The following RFC3 variants were observed in gnomAD, a reference collection of about 807,000 sequenced individuals.
The protein encoded by RFC3 is A1 38 kDa subunit.
In RFC3, 41 loss-of-function variants were observed where a neutral mutation model predicts 45.1. The observed-to-expected ratio is 0.91, with a 90% CI of 0.71 to 1.18. The LOEUF (loss-of-function observed/expected upper bound fraction) is 1.18, where lower values mean the gene tolerates loss of function less well. Among genes scored for constraint, RFC3 ranks in the 50% most tolerant of loss-of-function variants. The pLI, the probability that RFC3 is intolerant of heterozygous loss-of-function variation, is 0.00. For synonymous variants in RFC3, 149 were observed against 144.0 expected (o/e 1.03, Z -0.25); for missense variants, 423 against 428.1 (o/e 0.99, Z 0.10).
At chr13:33,925,097 CTATATACACGCATATATAGTGTACA>C (rs1566030523) in intron 8 of RFC3, among the ~76,000 whole-genome samples, 3 of 140,266 alleles carry the variant, frequency 2.1e-5, no homozygotes, top group African/African-American at 5.9e-5. Context: ...ATATAGTGTA[CTATATACACGCATATATAGTGTACA>C]TATATACATG....
chr13:33,875,570 G>A (rs1236130972), intron 8 of RFC3, among the ~76,000 whole-genome samples: 1 of 152,164 alleles, frequency 6.6e-6, no homozygotes, highest in Non-Finnish European at 1.5e-5. Context: ...GGACTTGAAG[G>A]CCACATAACA....
chr13:33,866,099 T>C (rs995236696), intron 8 of RFC3, among the ~76,000 whole-genome samples: 1 of 152,168 alleles, frequency 6.6e-6, no homozygotes, highest in Non-Finnish European at 1.5e-5. Context: ...TACCATAGAC[T>C]ATGTCTACCA....
At chr13:33,966,825 A>C (rs968013550), downstream of RFC3, among the ~76,000 whole-genome samples, 1 of 152,150 alleles carries the variant, frequency 6.6e-6, no homozygotes, top group Non-Finnish European at 1.5e-5. Flanking sequence ...ACCAACATGC[A>C]AGTAAATTAT....
chr13:33,889,172 G>A (rs2137627839), intron 8 of RFC3, among the ~76,000 whole-genome samples: 1 of 152,298 alleles, frequency 6.6e-6, no homozygotes, highest in East Asian at 1.9e-4. Flanking sequence ...AAGCTTCATT[G>A]ATCCAACACA....
downstream of RFC3, among the ~76,000 whole-genome samples, chr13:33,966,836 A>G (rs2083090260): frequency 6.6e-6 from 1 of 152,124 alleles, no homozygotes; most frequent in South Asian, 2.1e-4. Context: ...AGTAAATTAT[A>G]TTGTTTTCCA....
chr13:33,876,858 C>T (rs1283311276), intron 8 of RFC3, among the ~76,000 whole-genome samples: 1 of 152,218 alleles, frequency 6.6e-6, no homozygotes, highest in Non-Finnish European at 1.5e-5. Context: ...CTAATGTTCT[C>T]TCTGAGCTCC....
chr13:33,917,304 T>G (rs1003695926), intron 8 of RFC3, among the ~76,000 whole-genome samples: 2 of 152,116 alleles, frequency 1.3e-5, no homozygotes, highest in South Asian at 2.1e-4. Flanking sequence ...AGTAGACTTT[T>G]AAATAAGCCA....
chr13:33,893,030 C>T (rs751139349), intron 8 of RFC3, among the ~76,000 whole-genome samples: 1 of 152,148 alleles, frequency 6.6e-6, no homozygotes, highest in African/African-American at 2.4e-5. Context: ...TCATGGAAAG[C>T]ATTTCAAATG....
chr13:33,930,460 A>G (rs1251511704), intron 8 of RFC3, among the ~76,000 whole-genome samples: 1 of 152,128 alleles, frequency 6.6e-6, no homozygotes. Context: ...AGACTCAGCA[A>G]TTCTGCTCTC....
intron 8 of RFC3, among the ~76,000 whole-genome samples, chr13:33,929,990 T>G (rs2137766543): frequency 6.6e-6 from 1 of 152,242 alleles, no homozygotes; most frequent in South Asian, 2.1e-4. Context: ...AATTTGATAC[T>G]TATATTTTTA....
At chr13:33,819,652 A>G (rs751045159) in intron 1 of RFC3, among the ~76,000 whole-genome samples, 23 of 152,216 alleles carry the variant, frequency 1.5e-4, no homozygotes, top group Non-Finnish European at 2.9e-4. Context: ...GACAAATTAC[A>G]TTTTCCGTCA....
intron 8 of RFC3, among the ~76,000 whole-genome samples, chr13:33,961,494 G>A (rs879608601): frequency 1.2e-4 from 18 of 152,158 alleles, no homozygotes; most frequent in Non-Finnish European, 2.4e-4. Context: ...TAGAATAACA[G>A]AATGGCTGGC....
At chr13:33,834,298 G>GTATATTATATATATATA (rs1555308471) in intron 7 of RFC3, among the ~76,000 whole-genome samples, 2 of 109,218 alleles carry the variant, frequency 1.8e-5, no homozygotes, top group African/African-American at 8.3e-5. Context: ...TGTACTGTGT[G>GTATATTATATATATATA]TATATATATA....
Position 33,863,648 on chromosome 13 carries a change from C to G in RFC3, c.879+28431C>G, listed in dbSNP as rs568046865. Among the ~76,000 whole-genome samples, 30 of 152,314 alleles carry G rather than the reference C, an allele frequency of 2.0e-4. 1 individual carries two copies. Among genetic ancestry groups the G allele is most frequent in the African/African-American group, 7.2e-4 (30 of 41,570 alleles). On this transcript the variant is annotated intron_variant, in intron 8 of 8. Transcript: ENST00000434425. Reference sequence around the variant, plus strand: ...CATGCTGTCCATGTGGTTGGCTTCTCCCTGGTACAATGACATCATTCTCTT... The same window carrying G: ...CATGCTGTCCATGTGGTTGGCTTCTGCCTGGTACAATGACATCATTCTCTT...
At chr13:33,941,196 G>A (rs370341853) in intron 8 of RFC3, among the ~76,000 whole-genome samples, 3 of 152,076 alleles carry the variant, frequency 2.0e-5, no homozygotes, top group South Asian at 4.1e-4. Context: ...GTGAGGAGGC[G>A]GGCCTGTTAG....
intron 8 of RFC3, among the ~76,000 whole-genome samples, chr13:33,906,036 G>A (rs2082670108): frequency 1.3e-5 from 2 of 152,000 alleles, no homozygotes; most frequent in African/African-American, 4.8e-5. Context: ...TATCCTTGAG[G>A]GATTGTGGCT....
At chr13:33,941,443 T>C (rs894492816) in intron 8 of RFC3, among the ~76,000 whole-genome samples, 1 of 152,200 alleles carries the variant, frequency 6.6e-6, no homozygotes, top group Non-Finnish European at 1.5e-5. Flanking sequence ...TAGGAAAGTC[T>C]GATGGTGGTG....
chr13:33,834,298 GTA>G (rs58858615), intron 7 of RFC3, among the ~76,000 whole-genome samples: 16,499 of 108,596 alleles, frequency 0.15, 1,223 homozygotes, highest in African/African-American at 0.18. Flanking sequence ...TGTACTGTGT[GTA>G]TATATATATA....
At chr13:33,839,845 T>C (rs1054851366), downstream of RFC3, among the ~76,000 whole-genome samples, 1 of 152,234 alleles carries the variant, frequency 6.6e-6, no homozygotes, top group Non-Finnish European at 1.5e-5. Context: ...GCATTCCTTT[T>C]GGAAAGCATT....
Sources: allele counts gnomAD v4.1 joint callset (sites outside exome capture counted in the v4.1 genomes callset), GRCh38; gene constraint gnomAD v4.1.1; transcripts MANE v1.5; gene names NCBI Gene and HGNC (gene_info 2026-07-23, HGNC 2026-07-21).